MTUS2: variants seen among roughly 807,000 people sequenced by gnomAD.
The protein encoded by MTUS2 is microtubule associated scaffold protein 2.
A neutral mutation model predicts 114.1 loss-of-function variants in MTUS2; 40 were observed. The ratio of observed to expected loss-of-function variants is 0.35; its 90% CI spans 0.27 to 0.46. The LOEUF (loss-of-function observed/expected upper bound fraction) is 0.46, where lower values mean the gene tolerates loss of function less well. Among genes scored for constraint, MTUS2 ranks in the 20% least tolerant of loss-of-function variants. MTUS2 has a pLI of 1.00. For missense variants in MTUS2, 1,679 were observed against 1,705.4 expected, an observed-to-expected ratio of 0.98 and a Z score of 0.27; for synonymous variants, 688 against 672.0, an observed-to-expected ratio of 1.02 and a Z score of -0.37.
chr13:29,202,104 A>C (rs895391059), intron 5 of MTUS2, among the ~76,000 whole-genome samples: 2 of 151,862 alleles, frequency 1.3e-5, no homozygotes, highest in African/African-American at 4.8e-5. Context: ...AGTGTTTTCC[A>C]CCTTGGTTCC....
chr13:29,064,663 T>C (rs1439971750), intron 4 of MTUS2, among the ~76,000 whole-genome samples: 1 of 152,166 alleles, frequency 6.6e-6, no homozygotes, highest in Admixed American at 6.5e-5. Context: ...TCGGGGTACA[T>C]GTGCAGGTTG....
chr13:29,477,318 A>AG (rs1880776776), intron 9 of MTUS2, among the ~76,000 whole-genome samples: 2 of 152,168 alleles, frequency 1.3e-5, no homozygotes, highest in African/African-American at 4.8e-5. Context: ...ATCTTTATAT[A>AG]TCTACCTCTT....
intron 8 of MTUS2, among the ~76,000 whole-genome samples, chr13:29,417,089 G>A (rs1177975649): frequency 6.6e-6 from 1 of 152,214 alleles, no homozygotes; most frequent in Non-Finnish European, 1.5e-5. Context: ...GGTTGTGCAA[G>A]CATGGCACCT....
At chr13:29,058,205 A>AT (rs149316720) in intron 4 of MTUS2, among the ~76,000 whole-genome samples, 3,483 of 138,788 alleles carry the variant, frequency 0.025, 103 homozygotes, top group African/African-American at 0.074. Flanking sequence ...TGCCTTTAAC[A>AT]TTTTTTTTTT....
intron 7 of MTUS2, among the ~76,000 whole-genome samples, chr13:29,328,903 A>T (rs1900643311): frequency 6.6e-6 from 1 of 152,182 alleles, no homozygotes; most frequent in African/African-American, 2.4e-5. Flanking sequence ...GCTGTGTACC[A>T]GAGTCAGGTT....
chr13:28,903,730 A>T (rs1273753008), intron 2 of MTUS2, among the ~76,000 whole-genome samples: 2 of 150,316 alleles, frequency 1.3e-5, no homozygotes, highest in Non-Finnish European at 3.0e-5. Context: ...ACATGTGTGC[A>T]TGTGTCTTTA....
chr13:29,321,679 T>G (rs985728941), intron 6 of MTUS2, among the ~76,000 whole-genome samples: 3 of 152,248 alleles, frequency 2.0e-5, no homozygotes, highest in Non-Finnish European at 2.9e-5. Context: ...TTTTTGCTTA[T>G]TAGTTATTAT....
intron 5 of MTUS2, among the ~76,000 whole-genome samples, chr13:29,114,441 C>G (rs1044495120): frequency 6.6e-6 from 1 of 152,182 alleles, no homozygotes; most frequent in Non-Finnish European, 1.5e-5. Flanking sequence ...TATGTAAGAG[C>G]AGCAGAGCAG....
intron 2 of MTUS2, among the ~76,000 whole-genome samples, chr13:29,007,774 AATAAC>A (rs771898143): frequency 7.2e-4 from 110 of 152,196 alleles, no homozygotes; most frequent in Non-Finnish European, 1.3e-3. Flanking sequence ...ACTTTATTGT[AATAAC>A]ATAATATATA....
chr13:29,292,884 AAG>A (rs1200979175), intron 6 of MTUS2, among the ~76,000 whole-genome samples: 2 of 152,280 alleles, frequency 1.3e-5, no homozygotes, highest in East Asian at 3.9e-4. Context: ...AAGGGAAAAA[AAG>A]AGCCTGCCAT....
At chr13:29,019,025 C>A (rs1448314641) in intron 2 of MTUS2, among the ~76,000 whole-genome samples, 3 of 152,036 alleles carry the variant, frequency 2.0e-5, no homozygotes, top group Non-Finnish European at 4.4e-5. Context: ...TAAACAATGG[C>A]CCTTACACAA....
At chr13:29,492,821 G>A (rs1262189991) in intron 12 of MTUS2, 102 bp downstream of exon 12, 1 of 867,678 alleles carries the variant, frequency 1.2e-6, no homozygotes. Flanking sequence ...ACTAAATCCT[G>A]TACTAAACAA....
intron 8 of MTUS2, among the ~76,000 whole-genome samples, chr13:29,425,887 C>T (rs1876487234): frequency 7.8e-6 from 1 of 127,540 alleles, no homozygotes; most frequent in South Asian, 2.5e-4. Context: ...GTGCTAATCT[C>T]CTGTGAGCAA....
chr13:29,048,619 C>A (rs1356092586), intron 4 of MTUS2, among the ~76,000 whole-genome samples: 1 of 152,182 alleles, frequency 6.6e-6, no homozygotes, highest in Non-Finnish European at 1.5e-5. Context: ...TAGGCATGTA[C>A]CACCACCCTT....
At chr13:29,462,391 A>G (rs1031711751) in intron 9 of MTUS2, among the ~76,000 whole-genome samples, 1 of 152,192 alleles carries the variant, frequency 6.6e-6, no homozygotes, top group Non-Finnish European at 1.5e-5. Flanking sequence ...TAGTCTTCAG[A>G]GTCGCTTTGG....
intron 2 of MTUS2, among the ~76,000 whole-genome samples, chr13:28,864,142 T>C (rs9550404): frequency 0.15 from 22,444 of 152,122 alleles, 1,890 homozygotes; most frequent in African/African-American, 0.21. Flanking sequence ...TACTTGAAAA[T>C]CTATGAAGAT....
chr13:28,946,302 TGTGC>T (rs1241991574), intron 2 of MTUS2, among the ~76,000 whole-genome samples: 7 of 108,872 alleles, frequency 6.4e-5, no homozygotes, highest in East Asian at 2.8e-4. Flanking sequence ...TGTGTGTGTG[TGTGC>T]GCGCGCACAT....
Position 29,045,395 on chromosome 13 carries a change from A to G in MTUS2, c.2446+11270A>G, listed in dbSNP as rs1370772893. ...TATTTCCTCTAAGAGCACTAATCCC[A>G]TTCATGAGGGCCCCACTCTCAGGAC... On this transcript the variant is annotated intron_variant, in intron 4 of 15. Coordinates refer to ENST00000612955, the MANE Select transcript of MTUS2 (RefSeq NM_001033602.4). 7.2e-5 allele frequency among the ~76,000 whole-genome samples: 11 copies of G among 152,292 alleles called. No individual in the cohort carries two copies. In the South Asian group the frequency reaches 2.1e-3, roughly 29 times the overall value.
intron 8 of MTUS2, among the ~76,000 whole-genome samples, chr13:29,389,573 ATGTGTG>A (rs1410895230): frequency 9.0e-6 from 1 of 110,588 alleles, no homozygotes; most frequent in African/African-American, 3.6e-5. Flanking sequence ...ATGTGTACAT[ATGTGTG>A]TATACGTATA....
Sources: gnomAD v4.1 joint callset for allele counts (sites outside exome capture counted in the v4.1 genomes callset) on GRCh38, gnomAD v4.1.1 for gene constraint, MANE v1.5 for transcripts, NCBI Gene and HGNC (gene_info 2026-07-23, HGNC 2026-07-21) for gene names.